Variants in SORT1 observed in about 807,000 individuals in gnomAD.
The protein encoded by SORT1 is sortilin.
Under a neutral mutation model 101.7 loss-of-function variants are expected in SORT1, and 39 were observed. That is an observed-to-expected ratio of 0.38 (90% CI 0.30 to 0.50). SORT1 has a LOEUF of 0.50. Ranked by LOEUF, SORT1 falls within the 20% of genes least tolerant of loss-of-function variation. The pLI is 0.90. For synonymous variants in SORT1, 396 were observed against 393.7 expected, an observed-to-expected ratio of 1.01 and a Z score of -0.07; for missense variants, 878 against 1,040.4, an observed-to-expected ratio of 0.84 and a Z score of 2.15.
intron 4 of SORT1, among the ~76,000 whole-genome samples, chr1:109,355,040 A>G (rs903887040): frequency 6.6e-6 from 1 of 152,014 alleles, no homozygotes; most frequent in Non-Finnish European, 1.5e-5. Flanking sequence ...CCTGAGCAAC[A>G]TGGCAAAACC....
In SORT1 at chr1:109,393,375, T is replaced by C. The variant is rs543917821; in HGVS notation, c.306+4212A>G. On this transcript the variant is annotated intron_variant, in intron 1 of 19. Transcript: ENST00000256637. The stretch of plus-strand genomic sequence containing the variant: ...ATAAGTTTAAAAAGTTTTAAGGAAA[T>C]TGTCAAATGGTCTGTACACAGGAAT... The C allele has an allele frequency of 1.4e-5, 13 of 900,138 alleles. No individual in the cohort carries two copies. In the Admixed American group the frequency reaches 5.6e-4, roughly 39 times the overall value. The allele number at this position is 900,138 out of a possible 1,614,324, so 55.8% of individuals were successfully genotyped here.
intron 11 of SORT1, among the ~76,000 whole-genome samples, chr1:109,330,638 T>C (rs1029647531): frequency 6.6e-6 from 1 of 151,386 alleles, no homozygotes; most frequent in African/African-American, 2.4e-5. Context: ...CAGAAATAAC[T>C]GAAATAGAAG....
At chr1:109,379,627 A>AAGCACAGAAGCCAAGAAGTTTGG (rs1553200103) in intron 1 of SORT1, among the ~76,000 whole-genome samples, 2 of 152,244 alleles carry the variant, frequency 1.3e-5, no homozygotes, top group African/African-American at 4.8e-5. Flanking sequence ...CTAGGATAGG[A>AAGCACAGAAGCCAAGAAGTTTGG]AGCACAGAAG....
At position 109,316,874 on chromosome 1, in the gene SORT1, G is replaced by A; in HGVS notation, c.2226C>T (p.Ser742=). 6.2e-7 allele frequency: 1 copy of A among 1,610,210 alleles called. No individual in the cohort carries two copies. Among genetic ancestry groups the A allele is most frequent in the Non-Finnish European group, 8.5e-7 (1 of 1,177,936 alleles). The part of the protein sequence containing the change: ...EVKDLKKKCT[S]NFLSPEKQNS... The stretch of plus-strand genomic sequence containing the variant: ...CCTGTTTTTCCGGACTCAAAAAGTT[G>A]CTTGTGCATTTCTTTTTCAAGTCTT... Residue 742 remains serine (S), a synonymous_variant, in exon 17 of 20, where the codon AGC becomes AGT. Coordinates refer to ENST00000256637, the MANE Select transcript of SORT1 (RefSeq NM_002959.7).
intron 11 of SORT1, among the ~76,000 whole-genome samples, chr1:109,332,177 G>A (rs1648504602): frequency 6.6e-6 from 1 of 151,934 alleles, no homozygotes; most frequent in Admixed American, 6.6e-5. Context: ...CTATTATATG[G>A]TTATAAATAA....
At chr1:109,333,427 A>G (rs1039349625) in intron 11 of SORT1, among the ~76,000 whole-genome samples, 2 of 152,222 alleles carry the variant, frequency 1.3e-5, no homozygotes, top group Non-Finnish European at 2.9e-5. Flanking sequence ...ATTGTATCAA[A>G]CTAAAAAGCT....
At position 109,315,424 on chromosome 1, in the gene SORT1, T is replaced by C. The variant is rs574200571; in HGVS notation, c.2251-646A>G. Among the ~76,000 whole-genome samples the C allele has an allele frequency of 3.9e-5, 6 of 152,142 alleles. No homozygotes were observed. In the East Asian group the frequency reaches 1.2e-3, roughly 29 times the overall value. ...TGTGCAATCACACACACGAACACTC[T>C]GAGGAGAGTCACCAGGAGCCCAGGA... On this transcript the variant is annotated intron_variant, in intron 17 of 19. Coordinates refer to ENST00000256637, the MANE Select transcript of SORT1 (RefSeq NM_002959.7).
At position 109,354,376 on chromosome 1, in the gene SORT1, G is replaced by C. The variant is rs1342110681; in HGVS notation, c.699C>G (p.Leu233=). The change falls in exon 5 of 20, where the codon CTC becomes CTG. Residue 233 remains leucine, a synonymous_variant. Coordinates refer to ENST00000256637, the MANE Select transcript of SORT1 (RefSeq NM_002959.7). The part of the protein sequence containing the change: ...SPQNSDYLLA[L]STENGLWVSK... Reference sequence around the variant, plus strand: ...CCTCAACTGGACTTACTTCAGTGCTGAGAGCTAAAAGATAATCAGAATTCT... The same window carrying C: ...CCTCAACTGGACTTACTTCAGTGCTCAGAGCTAAAAGATAATCAGAATTCT... 1.2e-6 allele frequency: 2 copies of C among 1,613,052 alleles called. No individual in the cohort carries two copies. Among genetic ancestry groups the C allele is most frequent in the Non-Finnish European group, 1.7e-6 (2 of 1,179,264 alleles).
In SORT1 at chr1:109,397,842, G is replaced by C; in HGVS notation, c.51C>G (p.Gly17=). 11 of 1,299,552 alleles carry C rather than the reference G, an allele frequency of 8.5e-6. No homozygotes were observed. The highest frequency in any genetic ancestry group is 1.1e-5 in the Non-Finnish European group (11 of 1,012,942). The allele number at this position is 1,299,552 out of a possible 1,614,324, so 80.5% of individuals were successfully genotyped here. Residue 17 remains glycine (G), a synonymous_variant, in exon 1 of 20, where the codon GGC becomes GGG. Coordinates refer to ENST00000256637, the MANE Select transcript of SORT1 (RefSeq NM_002959.7). ...AADGLSRWPH[G]LGLLLLLQLL... ...GCTGCAGGAGGAGGAGGAGGCCGAG[G>C]CCATGGGGCCAGCGCGAGAGGCCGT...
intron 4 of SORT1, among the ~76,000 whole-genome samples, chr1:109,354,743 T>C (rs1396334623): frequency 2.6e-5 from 4 of 152,184 alleles, no homozygotes; most frequent in Non-Finnish European, 4.4e-5. Context: ...ATCATATCTG[T>C]GGGTTTAAGC....
intron 1 of SORT1, among the ~76,000 whole-genome samples, chr1:109,381,128 G>A (rs1272576021): frequency 2.0e-5 from 3 of 152,072 alleles, no homozygotes; most frequent in South Asian, 2.1e-4. Context: ...GAGAACGTCC[G>A]TATCATGTGC....
chr1:109,345,817 A>T lies in SORT1; in HGVS notation c.897T>A (p.Ile299=). The change falls in exon 8 of 20, where the codon ATT becomes ATA. Residue 299 remains isoleucine, a synonymous_variant. Transcript: ENST00000256637. ...GACCAAATGAGTAGATTTTCACACC[A>T]ATAGTTTTGAAGCTTTTTCCCAAGT... ...TSDLGKSFKT[I]GVKIYSFGLG... is the part of the protein sequence containing the mutation. 1 of 1,613,686 alleles carries T rather than the reference A, an allele frequency of 6.2e-7. No homozygotes were observed. The highest frequency in any genetic ancestry group is 2.2e-5 in the East Asian group (1 of 44,884).
intron 13 of SORT1, among the ~76,000 whole-genome samples, chr1:109,326,398 C>T (rs1311960278): frequency 2.2e-5 from 3 of 135,310 alleles, no homozygotes; most frequent in Non-Finnish European, 3.1e-5. Context: ...AGTGCTTGAA[C>T]GCTTCCATAA....
At chr1:109,364,226 A>C (rs1650932350) in intron 3 of SORT1, among the ~76,000 whole-genome samples, 1 of 152,224 alleles carries the variant, frequency 6.6e-6, no homozygotes, top group African/African-American at 2.4e-5. Context: ...AAACAGGCTG[A>C]AAAAAGGCTG....
At chr1:109,353,347 A>C (rs1198672796) in intron 5 of SORT1, among the ~76,000 whole-genome samples, 2 of 135,160 alleles carry the variant, frequency 1.5e-5, no homozygotes, top group Non-Finnish European at 3.1e-5. Context: ...AAAAAAAAAA[A>C]AAAACAAAAG....
intron 11 of SORT1, among the ~76,000 whole-genome samples, chr1:109,335,789 G>A (rs1049460684): frequency 1.3e-5 from 2 of 152,140 alleles, no homozygotes; most frequent in African/African-American, 2.4e-5. Flanking sequence ...CACTAAGCAG[G>A]TCACCACCCA....
intron 14 of SORT1, 50 bp from the exon 15 acceptor site, chr1:109,323,171 C>G: frequency 3.0e-6 from 4 of 1,343,300 alleles, no homozygotes; most frequent in Non-Finnish European, 4.2e-6. Flanking sequence ...AGAACCCACC[C>G]ACGGGAGGCA....
At chr1:109,340,074 G>C (rs1258999877) in intron 10 of SORT1, among the ~76,000 whole-genome samples, 2 of 149,626 alleles carry the variant, frequency 1.3e-5, no homozygotes, top group East Asian at 3.9e-4. Context: ...CCTTGAACTT[G>C]GGAGACCAAG....
intron 3 of SORT1, among the ~76,000 whole-genome samples, chr1:109,363,049 T>G (rs541570059): frequency 6.6e-6 from 1 of 152,176 alleles, no homozygotes; most frequent in Non-Finnish European, 1.5e-5. Flanking sequence ...ACATTGACTA[T>G]GTAATATATT....
Sources: allele counts gnomAD v4.1 joint callset (sites outside exome capture counted in the v4.1 genomes callset), GRCh38; gene constraint gnomAD v4.1.1; transcripts MANE v1.5; gene names NCBI Gene and HGNC (gene_info 2026-07-23, HGNC 2026-07-21).